ALK: variants seen among roughly 807,000 people sequenced by gnomAD.
ALK encodes ALK tyrosine kinase receptor.
In ALK, 74 loss-of-function variants were observed where a neutral mutation model predicts 163.1. That is an observed-to-expected ratio of 0.45 (90% confidence interval 0.38 to 0.55). ALK has a LOEUF of 0.55. ALK is among the 20% of genes least tolerant of loss of function. ALK has a pLI of 0.00. For synonymous variants in ALK, 960 were observed against 843.2 expected, an observed-to-expected ratio of 1.14 and a Z score of -2.40; for missense variants, 2,063 against 2,105.3, an observed-to-expected ratio of 0.98 and a Z score of 0.39.
rs191727581 is a variant in ALK, at chr2:29,522,154, A to T, written c.1154+9761T>A. 6.4e-3 allele frequency among the ~76,000 whole-genome samples: 971 copies of T among 152,308 alleles called. 19 individuals carry two copies. Among genetic ancestry groups the T allele is most frequent in the African/African-American group, 0.022 (895 of 41,562 alleles). On this transcript the variant is annotated intron_variant, in intron 4 of 28. Transcript: ENST00000389048. ...TACCATCCATAGAGTGGTGATTGGG[A>T]GCAGGGACAGTGGAGCTGGATTAGC...
At chr2:29,738,259 G>A (rs1679949945) in intron 1 of ALK, among the ~76,000 whole-genome samples, 1 of 151,986 alleles carries the variant, frequency 6.6e-6, no homozygotes. Context: ...ATGGACCTTG[G>A]AGTCCATATC....
chr2:29,758,005 C>CTTTTTT (rs1213067837), intron 1 of ALK, among the ~76,000 whole-genome samples: 5 of 104,970 alleles, frequency 4.8e-5, no homozygotes, highest in Non-Finnish European at 7.1e-5. Flanking sequence ...CCCGCATCCT[C>CTTTTTT]TTTTTTTTTT....
chr2:29,710,427 C>G (rs1209868969), intron 2 of ALK, among the ~76,000 whole-genome samples: 1 of 152,038 alleles, frequency 6.6e-6, no homozygotes, highest in Non-Finnish European at 1.5e-5. Flanking sequence ...CTGCTTACCT[C>G]TCAAATGAAA....
At chr2:29,332,406 G>T (rs74769193) in intron 5 of ALK, among the ~76,000 whole-genome samples, 4,230 of 150,364 alleles carry the variant, frequency 0.028, 216 homozygotes, top group African/African-American at 0.098. Flanking sequence ...ATGGGCATGG[G>T]TGTTTCACAC....
chr2:29,239,786 G>A lies in ALK; in HGVS notation c.2249C>T (p.Thr750Ile). The stretch of plus-strand genomic sequence containing the variant: ...AGACACGCCGTGGGACCGCATCATG[G>A]TGTTCTTCCCGCCTTTCCCGCCAGC... ...GAAGGKGGKN[T>I]MMRSHGVSVL... is the part of the protein sequence containing the mutation. Residue 750 changes from threonine to isoleucine, a missense_variant, in exon 13 of 29, where the codon ACC becomes ATC. Coordinates refer to ENST00000389048, the MANE Select transcript of ALK (RefSeq NM_004304.5). 6.2e-7 allele frequency: 1 copy of A among 1,613,920 alleles called. No individual in the cohort carries two copies. Among genetic ancestry groups the A allele is most frequent in the Non-Finnish European group, 8.5e-7 (1 of 1,180,006 alleles).
chr2:29,909,440 C>G (rs753186642), intron 1 of ALK, among the ~76,000 whole-genome samples: 3 of 150,406 alleles, frequency 2.0e-5, no homozygotes, highest in Non-Finnish European at 4.4e-5. Context: ...AGAGAAGGCA[C>G]AACTAGACAC....
chr2:29,785,207 G>C (rs1274131380), intron 1 of ALK, among the ~76,000 whole-genome samples: 2 of 152,012 alleles, frequency 1.3e-5, no homozygotes, highest in Non-Finnish European at 2.9e-5. Flanking sequence ...GTAAGCTCAT[G>C]GGTACAAGGA....
intron 28 of ALK, among the ~76,000 whole-genome samples, chr2:29,196,256 A>T (rs546625689): frequency 1.3e-5 from 2 of 152,266 alleles, no homozygotes; most frequent in African/African-American, 4.8e-5. Flanking sequence ...TGATTTGTGC[A>T]GTATGAATGA....
intron 5 of ALK, among the ~76,000 whole-genome samples, chr2:29,356,220 G>C (rs909384016): frequency 6.6e-6 from 1 of 152,164 alleles, no homozygotes; most frequent in Middle Eastern, 3.2e-3. Context: ...TATGTGCCAG[G>C]TTGTATGCTG....
At chr2:29,814,734 C>T (rs548347867) in intron 1 of ALK, among the ~76,000 whole-genome samples, 1 of 152,134 alleles carries the variant, frequency 6.6e-6, no homozygotes, top group South Asian at 2.1e-4. Flanking sequence ...GTCTGCTTTA[C>T]TAGTTGCATG....
chr2:29,859,066 G>A (rs1666217442), intron 1 of ALK, among the ~76,000 whole-genome samples: 1 of 114,240 alleles, frequency 8.8e-6, no homozygotes, highest in African/African-American at 3.1e-5. Context: ...AAAAACAAAA[G>A]TTCTGACCCA....
intron 4 of ALK, among the ~76,000 whole-genome samples, chr2:29,429,867 A>C (rs897017272): frequency 7.9e-5 from 12 of 152,168 alleles, no homozygotes; most frequent in African/African-American, 2.9e-4. Flanking sequence ...TGCTGGCATA[A>C]TGATAGACAC....
chr2:29,694,328 A>G (rs1678490516), intron 3 of ALK, among the ~76,000 whole-genome samples: 2 of 152,240 alleles, frequency 1.3e-5, no homozygotes, highest in South Asian at 4.1e-4. Context: ...GCTTAGAAAC[A>G]TTTAAGCCAG....
At chr2:29,560,357 C>T (rs528185245) in intron 3 of ALK, among the ~76,000 whole-genome samples, 3 of 152,082 alleles carry the variant, frequency 2.0e-5, no homozygotes, top group Non-Finnish European at 4.4e-5. Context: ...CACAAAAGAC[C>T]ATGTATTTTA....
chr2:29,495,988 T>G lies in ALK; in HGVS notation c.1154+35927A>C, dbSNP rs1009232580. Among the ~76,000 whole-genome samples the G allele has an allele frequency of 2.6e-5, 4 of 152,158 alleles. No individual in the cohort carries two copies. In the East Asian group the frequency reaches 7.7e-4, roughly 29 times the overall value. On this transcript the variant is annotated intron_variant, in intron 4 of 28. Transcript: ENST00000389048. ...TTGAGGAAAAGAGCACAACCTCACA[T>G]TTCCTTTCTAAAAGAGGAACGTTTT... is the stretch of plus-strand genomic sequence containing the variant.
intron 3 of ALK, among the ~76,000 whole-genome samples, chr2:29,628,438 A>G (rs1211518736): frequency 1.3e-5 from 2 of 152,196 alleles, no homozygotes; most frequent in African/African-American, 2.4e-5. Context: ...ATAAGCAGCC[A>G]TAGTAACCAG....
At chr2:29,206,374 T>A (rs1669310713) in intron 26 of ALK, among the ~76,000 whole-genome samples, 1 of 151,716 alleles carries the variant, frequency 6.6e-6, no homozygotes, top group African/African-American at 2.4e-5. Context: ...TGGGCTCTAG[T>A]GAACCTCCCA....
intron 12 of ALK, among the ~76,000 whole-genome samples, chr2:29,243,969 GT>G (rs1664589266): frequency 6.6e-6 from 1 of 150,516 alleles, no homozygotes; most frequent in African/African-American, 2.5e-5. Flanking sequence ...TTTGTGTTTT[GT>G]ATTAGAAACT....
At chr2:29,304,509 A>G (rs1312539707) in intron 8 of ALK, among the ~76,000 whole-genome samples, 2 of 150,074 alleles carry the variant, frequency 1.3e-5, no homozygotes, top group African/African-American at 4.9e-5. Context: ...AAAAAAAAAA[A>G]AAGAAAAGAA....
Sources: gnomAD v4.1 joint callset for allele counts (sites outside exome capture counted in the v4.1 genomes callset) on GRCh38, gnomAD v4.1.1 for gene constraint, MANE v1.5 for transcripts, NCBI Gene and HGNC (gene_info 2026-07-23, HGNC 2026-07-21) for gene names.